ZNF385D: variants seen among roughly 807,000 people sequenced by gnomAD.
The protein encoded by ZNF385D is zinc finger protein 385D, also known as zinc finger protein 659.
Under a neutral mutation model 35.8 loss-of-function variants are expected in ZNF385D, and 15 were observed. That is an observed-to-expected ratio of 0.42 (90% confidence interval 0.28 to 0.64). ZNF385D has a LOEUF of 0.64. ZNF385D is among the 30% of genes least tolerant of loss of function. The pLI is 0.23. For synonymous variants in ZNF385D, 212 were observed against 186.8 expected (o/e 1.13, Z -1.10); for missense variants, 474 against 494.6 (o/e 0.96, Z 0.39).
At chr3:22,004,035 G>T (rs1037997334) in intron 3 of ZNF385D, among the ~76,000 whole-genome samples, 2 of 152,000 alleles carry the variant, frequency 1.3e-5, no homozygotes, top group African/African-American at 4.8e-5. Flanking sequence ...AGTACAGTAT[G>T]GTGTTGATAT....
chr3:21,933,791 A>G (rs193220081), intron 3 of ZNF385D, among the ~76,000 whole-genome samples: 3 of 152,290 alleles, frequency 2.0e-5, no homozygotes, highest in Admixed American at 6.5e-5. Flanking sequence ...AACAAAATCT[A>G]AACAACTTTT....
At chr3:22,367,042 T>C (rs368902956) in intron 2 of ZNF385D, among the ~76,000 whole-genome samples, 1 of 152,186 alleles carries the variant, frequency 6.6e-6, no homozygotes, top group African/African-American at 2.4e-5. Flanking sequence ...GGCTCTAGAA[T>C]TTTGAAAGAA....
At chr3:21,531,726 G>A (rs924079051) in intron 3 of ZNF385D, among the ~76,000 whole-genome samples, 1 of 152,078 alleles carries the variant, frequency 6.6e-6, no homozygotes, top group South Asian at 2.1e-4. Flanking sequence ...AAGATTACAC[G>A]TTGCCAAGGG....
At chr3:21,491,225 T>G (rs63127762) in intron 4 of ZNF385D, among the ~76,000 whole-genome samples, 6 of 118,260 alleles carry the variant, frequency 5.1e-5, no homozygotes, top group South Asian at 5.6e-4. Flanking sequence ...GTTTTTTTTT[T>G]GGGAAAAGAA....
At chr3:21,434,804 G>A (rs12490397) in intron 5 of ZNF385D, among the ~76,000 whole-genome samples, 18,111 of 152,100 alleles carry the variant, frequency 0.12, 1,202 homozygotes, top group Middle Eastern at 0.26. Context: ...GATCTCAGAT[G>A]CAGGAGGGAA....
In ZNF385D at chr3:21,840,863, G is replaced by A. The variant is rs545768535; in HGVS notation, c.326-175835C>T. Among the ~76,000 whole-genome samples, 5 of 152,040 alleles carry A rather than the reference G, an allele frequency of 3.3e-5. No homozygotes were observed. The East Asian group carries it at 9.7e-4, about 29-fold the overall frequency. ...TGCTGAGAGGAGATCAATCATCCCTGGCTTCAAAGAGTTTGCTGTCTAAAA... is the reference window on the plus strand; with the variant it reads ...TGCTGAGAGGAGATCAATCATCCCTAGCTTCAAAGAGTTTGCTGTCTAAAA... On this transcript the variant is annotated intron_variant, in intron 3 of 5. Transcript: ENST00000494108.
chr3:21,423,455 A>C (rs924269028), intron 7 of ZNF385D, among the ~76,000 whole-genome samples: 1 of 152,200 alleles, frequency 6.6e-6, no homozygotes, highest in African/African-American at 2.4e-5. Flanking sequence ...ATACCTGTTC[A>C]TCAATATTCA....
intron 3 of ZNF385D, among the ~76,000 whole-genome samples, chr3:21,788,852 C>T (rs1416328650): frequency 6.6e-6 from 1 of 152,250 alleles, no homozygotes; most frequent in South Asian, 2.1e-4. Flanking sequence ...AAGGCACTGG[C>T]CAATGTGGCC....
chr3:22,181,775 G>A (rs938023058), intron 2 of ZNF385D, among the ~76,000 whole-genome samples: 1 of 151,416 alleles, frequency 6.6e-6, no homozygotes, highest in Non-Finnish European at 1.5e-5. Context: ...CAAAAAGATA[G>A]TAATGCCCAT....
chr3:21,929,471 T>C (rs368577633), intron 3 of ZNF385D, among the ~76,000 whole-genome samples: 95 of 152,116 alleles, frequency 6.2e-4, no homozygotes, highest in Non-Finnish European at 1.1e-3. Context: ...CTGGTGCAAT[T>C]AGGCCCAAAA....
intron 2 of ZNF385D, among the ~76,000 whole-genome samples, chr3:22,195,559 A>G (rs1282198761): frequency 1.3e-5 from 2 of 151,996 alleles, no homozygotes; most frequent in African/African-American, 4.8e-5. Context: ...ATAGTTTTAC[A>G]TTTTGAAATC....
At chr3:21,951,561 G>A (rs1029700453) in intron 3 of ZNF385D, among the ~76,000 whole-genome samples, 6 of 151,418 alleles carry the variant, frequency 4.0e-5, no homozygotes, top group African/African-American at 1.5e-4. Context: ...TTGCCTGATT[G>A]CCCCGGCCAG....
rs569933359 is a variant in ZNF385D, at chr3:22,029,563, T to A, written c.325+139254A>T. ...CATGACCAGCTATGGAAACGAGGAC[T>A]GTTATCATGAGTATTTCCTTCTTCT... On this transcript the variant is annotated intron_variant, in intron 3 of 5. Coordinates refer to the ZNF385D transcript ENST00000494108. Among the ~76,000 whole-genome samples, 3 of 152,354 alleles carry A rather than the reference T, an allele frequency of 2.0e-5. No homozygotes were observed. The East Asian group carries it at 5.8e-4, about 29-fold the overall frequency.
chr3:21,915,228 G>C (rs1226749091), intron 3 of ZNF385D, among the ~76,000 whole-genome samples: 1 of 152,030 alleles, frequency 6.6e-6, no homozygotes, highest in African/African-American at 2.4e-5. Context: ...CTCAGAAAAA[G>C]AGCTTATATT....
chr3:22,215,092 T>C (rs563748687), intron 2 of ZNF385D, among the ~76,000 whole-genome samples: 25 of 152,120 alleles, frequency 1.6e-4, no homozygotes, highest in African/African-American at 5.8e-4. Flanking sequence ...TTAAGGAATA[T>C]AGAAAAAAAC....
intron 3 of ZNF385D, among the ~76,000 whole-genome samples, chr3:21,949,450 G>A (rs538871693): frequency 3.3e-4 from 50 of 151,968 alleles, no homozygotes; most frequent in Middle Eastern, 3.4e-3. Flanking sequence ...GTATTTGAAT[G>A]CTATTGAGCT....
intron 3 of ZNF385D, among the ~76,000 whole-genome samples, chr3:21,860,359 A>C (rs193209589): frequency 1.3e-5 from 2 of 152,262 alleles, no homozygotes; most frequent in Admixed American, 1.3e-4. Context: ...GCAGTCAAAA[A>C]GATTTGGTCT....
chr3:22,282,727 A>C (rs545144271), intron 2 of ZNF385D, among the ~76,000 whole-genome samples: 1 of 152,016 alleles, frequency 6.6e-6, no homozygotes, highest in Non-Finnish European at 1.5e-5. Flanking sequence ...TACCAAAATA[A>C]AATCTCCTTA....
intron 3 of ZNF385D, among the ~76,000 whole-genome samples, chr3:21,870,440 T>A (rs375177722): frequency 2.0e-4 from 30 of 152,184 alleles, no homozygotes; most frequent in Non-Finnish European, 3.8e-4. Context: ...TCATTTGAAT[T>A]ATCCGTGAAC....
Sources: gnomAD v4.1 joint callset for allele counts (sites outside exome capture counted in the v4.1 genomes callset) on GRCh38, gnomAD v4.1.1 for gene constraint, MANE v1.5 for transcripts, NCBI Gene and HGNC (gene_info 2026-07-23, HGNC 2026-07-21) for gene names.